Variants in SLC9C1 observed in about 807,000 individuals in gnomAD.
The protein encoded by SLC9C1 is solute carrier family 9 member C1, also known as sodium/hydrogen exchanger 10.
Under a neutral mutation model 140.9 loss-of-function variants are expected in SLC9C1, and 97 were observed. That is an observed-to-expected ratio of 0.69 (90% CI 0.58 to 0.82). SLC9C1 has a LOEUF of 0.82. Among genes scored for constraint, SLC9C1 ranks in the 40% least tolerant of loss-of-function variants. The pLI is 0.00. For synonymous variants in SLC9C1, 440 were observed against 442.6 expected, an observed-to-expected ratio of 0.99 and a Z score of 0.07; for missense variants, 1,340 against 1,389.3, an observed-to-expected ratio of 0.96 and a Z score of 0.56.
intron 20 of SLC9C1, among the ~76,000 whole-genome samples, chr3:112,191,919 A>G (rs554548643): frequency 2.3e-4 from 35 of 152,132 alleles, no homozygotes; most frequent in Admixed American, 2.0e-3. Flanking sequence ...TTAGACTACC[A>G]TGTGTGTTTA....
chr3:112,260,550 T>C (rs188788840), intron 10 of SLC9C1, among the ~76,000 whole-genome samples: 64 of 152,250 alleles, frequency 4.2e-4, no homozygotes, highest in Non-Finnish European at 2.1e-4. Context: ...CTTGATTACA[T>C]TGTCTTCCTG....
chr3:112,164,945 A>G (rs1560019125), intron 26 of SLC9C1, among the ~76,000 whole-genome samples: 3 of 152,194 alleles, frequency 2.0e-5, no homozygotes, highest in Non-Finnish European at 4.4e-5. Context: ...ACATAGTCCC[A>G]TATTTCTTGG....
intron 19 of SLC9C1, 149 bp downstream of exon 19, chr3:112,200,562 T>C (rs2077880633): frequency 3.0e-6 from 2 of 658,862 alleles, no homozygotes; most frequent in South Asian, 1.9e-5. Context: ...AACTAGAAAA[T>C]AAGATTGCAT....
chr3:112,270,915 A>G (rs2080055655), intron 6 of SLC9C1, among the ~76,000 whole-genome samples: 1 of 152,194 alleles, frequency 6.6e-6, no homozygotes, highest in African/African-American at 2.4e-5. Flanking sequence ...CAATATATGG[A>G]GTCAACCTCA....
chr3:112,145,954 T>A (rs570438104), intron 28 of SLC9C1, among the ~76,000 whole-genome samples: 14 of 152,330 alleles, frequency 9.2e-5, no homozygotes, highest in Admixed American at 2.6e-4. Context: ...TTTCACCTTC[T>A]GCCACGATTG....
intron 12 of SLC9C1, among the ~76,000 whole-genome samples, chr3:112,232,874 G>T (rs1284524082): frequency 1.3e-5 from 2 of 151,674 alleles, no homozygotes; most frequent in Non-Finnish European, 2.9e-5. Context: ...CTAAACTTTG[G>T]CTTTGAATTC....
At position 112,185,335 on chromosome 3, in the gene SLC9C1, C is replaced by T. The variant is rs1195641295; in HGVS notation, c.2524-3077G>A. 6.4e-5 allele frequency: 40 copies of T among 623,412 alleles called. No homozygotes were observed. The African/African-American group carries it at 6.8e-4, about 11-fold the overall frequency. 38.6% of individuals were successfully genotyped at this position (623,412 alleles called of 1,614,324 possible). On this transcript the variant is annotated intron_variant, in intron 20 of 28. Transcript: ENST00000305815. ...TTAGGTCAGGGCTTCTGAAAAAAGT[C>T]GTGTAAAAAAAAAATAATAAAAGGT...
intron 23 of SLC9C1, among the ~76,000 whole-genome samples, 193 bp downstream of exon 23, chr3:112,179,338 A>G (rs2077396363): frequency 6.6e-6 from 1 of 152,132 alleles, no homozygotes; most frequent in Admixed American, 6.5e-5. Context: ...TGGTTGATTA[A>G]CATTCATAAG....
intron 20 of SLC9C1, among the ~76,000 whole-genome samples, chr3:112,189,716 G>T (rs1234830693): frequency 6.6e-6 from 1 of 152,148 alleles, no homozygotes; most frequent in Non-Finnish European, 1.5e-5. Flanking sequence ...AGCAATGCGG[G>T]CTCTTTTTTG....
intron 1 of SLC9C1, among the ~76,000 whole-genome samples, chr3:112,293,371 T>C (rs180731903): frequency 5.9e-5 from 9 of 152,224 alleles, no homozygotes; most frequent in African/African-American, 2.2e-4. Context: ...AAAAATGACA[T>C]GAATTTGTCC....
intron 23 of SLC9C1, among the ~76,000 whole-genome samples, chr3:112,178,138 T>TA: frequency 1.6e-5 from 2 of 126,718 alleles, no homozygotes; most frequent in South Asian, 5.4e-4. Flanking sequence ...CCACTACATA[T>TA]TTTTTTTTTT....
intron 26 of SLC9C1, among the ~76,000 whole-genome samples, chr3:112,156,072 T>G (rs2075119232): frequency 6.6e-6 from 1 of 152,132 alleles, no homozygotes; most frequent in Admixed American, 6.6e-5. Context: ...TAACTATGAT[T>G]ACCGTACTAT....
At chr3:112,200,809 A>G (rs182638120) in intron 18 of SLC9C1, 47 bp from the exon 19 acceptor site, 229 of 1,518,150 alleles carry the variant, frequency 1.5e-4, no homozygotes, top group Non-Finnish European at 2.0e-4. Context: ...ACAGACTGTT[A>G]TAAAATGTCC....
intron 26 of SLC9C1, among the ~76,000 whole-genome samples, chr3:112,161,492 T>C (rs1056618812): frequency 1.2e-4 from 19 of 152,382 alleles, no homozygotes; most frequent in African/African-American, 4.3e-4. Flanking sequence ...TACATATGGC[T>C]AGCCAGTTTT....
At chr3:112,178,139 T>A (rs999535758) in intron 23 of SLC9C1, among the ~76,000 whole-genome samples, 124 of 147,070 alleles carry the variant, frequency 8.4e-4, no homozygotes, top group Non-Finnish European at 1.5e-3. Context: ...CACTACATAT[T>A]TTTTTTTTTT....
chr3:112,161,735 G>A (rs997493557), intron 26 of SLC9C1, among the ~76,000 whole-genome samples: 5 of 151,884 alleles, frequency 3.3e-5, no homozygotes, highest in Non-Finnish European at 7.4e-5. Context: ...TTTGGCTTAG[G>A]ATTGACTTGG....
rs2077455512 is a variant in SLC9C1 at position 112,182,400 on chromosome 3, A to G, written c.2524-142T>C. ...ATGAACATTTTCAACCTCTCTTTAT[A>G]TCATGATTCTTTTTGTATCATCATT... On this transcript the variant is annotated intron_variant, in intron 20 of 28. Coordinates refer to ENST00000305815, the MANE Select transcript of SLC9C1 (RefSeq NM_183061.3). The G allele has an allele frequency of 1.4e-5, 12 of 873,206 alleles. 1 individual carries two copies. The highest frequency in any genetic ancestry group is 6.1e-5 in the Admixed American group (2 of 33,054). The allele number at this position is 873,206 out of a possible 1,614,324, so 54.1% of individuals were successfully genotyped here.
intron 12 of SLC9C1, among the ~76,000 whole-genome samples, chr3:112,232,823 T>C (rs2078864325): frequency 6.6e-6 from 1 of 152,034 alleles, no homozygotes. Context: ...TGCAGATATC[T>C]TAAAGCATAT....
chr3:112,234,675 C>T (rs77383602), intron 12 of SLC9C1, among the ~76,000 whole-genome samples: 44,983 of 152,058 alleles, frequency 0.3, 7,212 homozygotes, highest in East Asian at 0.43. Context: ...GGAAGGTATC[C>T]AGTTTCAGCT....
Sources: allele counts gnomAD v4.1 joint callset (sites outside exome capture counted in the v4.1 genomes callset), GRCh38; gene constraint gnomAD v4.1.1; transcripts MANE v1.5; gene names NCBI Gene and HGNC (gene_info 2026-07-23, HGNC 2026-07-21).